Variants in LHFPL1 observed in about 807,000 individuals in gnomAD.
LHFPL1 encodes LHFPL tetraspan subfamily member 1, also known as LHFPL tetraspan subfamily member 1 protein.
LHFPL1 carries 4 observed loss-of-function variants against 12.1 expected under a neutral mutation model. The ratio of observed to expected loss-of-function variants is 0.33; its 90% CI spans 0.16 to 0.76. The LOEUF (loss-of-function observed/expected upper bound fraction) is 0.76. LHFPL1 is among the 30% of genes least tolerant of loss of function. The pLI is 0.61. For missense variants in LHFPL1, 141 were observed against 174.1 expected (o/e 0.81, Z 1.07); for synonymous variants, 52 against 61.9 (o/e 0.84, Z 0.75).
rs756731267 is a variant in LHFPL1, at chrX:112,644,127, C to G, written c.482-12526G>C. 6.3e-4 allele frequency among the ~76,000 whole-genome samples: 71 copies of G among 112,655 alleles called. 1 individual carries two copies. The highest frequency in any genetic ancestry group is 1.0e-3 in the Non-Finnish European group (55 of 53,323). On this transcript the variant is annotated intron_variant, in intron 3 of 3. Coordinates refer to ENST00000371968, the MANE Select transcript of LHFPL1 (RefSeq NM_178175.4). ...TAAGCCATGGATTTTCAAGGACTGC[C>G]TGCCAGGGCATTCTAGCTGATGCTG... is the stretch of plus-strand genomic sequence containing the variant.
chrX:112,660,421 C>A (rs770639991), intron 3 of LHFPL1, among the ~76,000 whole-genome samples: 4 of 111,747 alleles, frequency 3.6e-5, no homozygotes, highest in African/African-American at 1.3e-4. Context: ...GGTCCCCGGG[C>A]AAAACTGCAT....
chrX:112,666,799 C>T (rs1309963728), intron 2 of LHFPL1, among the ~76,000 whole-genome samples: 2 of 111,651 alleles, frequency 1.8e-5, no homozygotes, highest in African/African-American at 6.5e-5. Flanking sequence ...ATAACAAGCA[C>T]CCCAGGTAAT....
At chrX:112,654,052 C>A (rs1173904089) in intron 3 of LHFPL1, among the ~76,000 whole-genome samples, 3 of 111,800 alleles carry the variant, frequency 2.7e-5, no homozygotes, top group Non-Finnish European at 5.6e-5. Flanking sequence ...AGTACAGTCT[C>A]TTTGGAGAGC....
Position 112,631,569 on chromosome X carries a change from C to A in LHFPL1, c.514G>T (p.Ala172Ser). 8.3e-7 allele frequency: 1 copy of A among 1,208,893 alleles called. No individual in the cohort carries two copies. The highest frequency in any genetic ancestry group is 1.1e-6 in the Non-Finnish European group (1 of 893,547). ...TCRLGWAYYCAGGGAAAAMLI... is the reference protein window; with the variant it reads ...TCRLGWAYYCSGGGAAAAMLI... ...ATGGCTGCAGCTGCTCCACCTCCAG[C>A]ACAGTAATAGGCCCAGCCAAGCCGA... Residue 172 changes from alanine (A) to serine (S), a missense_variant, in exon 4 of 4, where the codon GCT (alanine) becomes TCT (serine). Ala to Ser is a moderately conservative substitution (Grantham distance 99). Transcript: ENST00000371968.
chrX:112,671,843 C>G lies in LHFPL1; in HGVS notation c.-14-439G>C, dbSNP rs148669495. Among the ~76,000 whole-genome samples the G allele has an allele frequency of 9.0e-3, 1,000 of 111,485 alleles. 11 individuals are homozygous for G. The highest frequency in any genetic ancestry group is 0.031 in the African/African-American group (959 of 30,588). ...CTGGTAGCTTGGAAGGAGGCAATAT[C>G]TGAAGAGGATCAGGAGCAAAGTTGT... On this transcript the variant is annotated intron_variant, in intron 1 of 3. Transcript: ENST00000371968.
chrX:112,673,432 G>A (rs1046752447), intron 1 of LHFPL1, among the ~76,000 whole-genome samples: 3 of 111,554 alleles, frequency 2.7e-5, no homozygotes, highest in Middle Eastern at 4.7e-3. Flanking sequence ...ATGGTTGGCC[G>A]CAATGAGGTA....
At chrX:112,641,020 C>A (rs1413130904) in intron 3 of LHFPL1, among the ~76,000 whole-genome samples, 1 of 111,648 alleles carries the variant, frequency 9.0e-6, no homozygotes, top group Non-Finnish European at 1.9e-5. Context: ...TGCTAGAAAG[C>A]CAGACCCAGT....
intron 3 of LHFPL1, among the ~76,000 whole-genome samples, chrX:112,640,384 A>G (rs1353683764): frequency 9.0e-6 from 1 of 111,450 alleles, no homozygotes; most frequent in African/African-American, 3.3e-5. Context: ...AACACATGCA[A>G]AGTTGCAAAG....
chrX:112,667,261 G>A (rs1931362157), intron 2 of LHFPL1, among the ~76,000 whole-genome samples: 1 of 111,884 alleles, frequency 8.9e-6, no homozygotes, highest in African/African-American at 3.3e-5. Flanking sequence ...GTTGAATGCT[G>A]TTCTCTTAAC....
At chrX:112,636,795 C>T (rs937141176) in intron 3 of LHFPL1, among the ~76,000 whole-genome samples, 6 of 112,192 alleles carry the variant, frequency 5.3e-5, no homozygotes, top group Admixed American at 2.8e-4. Context: ...AGACCAGATG[C>T]GTCCTTAAAG....
chrX:112,633,211 G>C (rs1327732310), intron 3 of LHFPL1, among the ~76,000 whole-genome samples: 1 of 111,905 alleles, frequency 8.9e-6, no homozygotes, highest in East Asian at 2.8e-4. Context: ...ATCCACTGTG[G>C]GTACCATTTC....
At chrX:112,645,772 C>T (rs1930667645) in intron 3 of LHFPL1, among the ~76,000 whole-genome samples, 2 of 111,939 alleles carry the variant, frequency 1.8e-5, no homozygotes, top group Admixed American at 1.9e-4. Context: ...AATTAACAAG[C>T]AGCAAAGCAT....
chrX:112,631,735 A>G, intron 3 of LHFPL1, 134 bp from the exon 4 acceptor site: 3 of 421,172 alleles, frequency 7.1e-6, no homozygotes, highest in Non-Finnish European at 1.2e-5. Flanking sequence ...TAGGGTGAGA[A>G]TAGGAAACAG....
At chrX:112,644,397 A>G (rs1178633468) in intron 3 of LHFPL1, among the ~76,000 whole-genome samples, 1 of 111,585 alleles carries the variant, frequency 9.0e-6, no homozygotes, top group Admixed American at 9.5e-5. Flanking sequence ...ATGTTTTTAT[A>G]TACCTATAGT....
intron 2 of LHFPL1, among the ~76,000 whole-genome samples, chrX:112,664,131 G>A (rs1455046967): frequency 8.9e-6 from 1 of 111,973 alleles, no homozygotes; most frequent in Non-Finnish European, 1.9e-5. Context: ...AATGTAAATG[G>A]TATGTAAATA....
chrX:112,663,887 T>TTA (rs201068439), intron 2 of LHFPL1, among the ~76,000 whole-genome samples: 2,327 of 111,555 alleles, frequency 0.021, 34 homozygotes, highest in Non-Finnish European at 0.032. Context: ...CTGTGTGAGT[T>TTA]TACGCAAGTT....
chrX:112,658,137 A>G, intron 3 of LHFPL1, among the ~76,000 whole-genome samples: 1 of 111,369 alleles, frequency 9.0e-6, no homozygotes, highest in Non-Finnish European at 1.9e-5. Flanking sequence ...AAAAATAAGC[A>G]AAGGATGGCT....
chrX:112,668,181 T>C (rs1270068449), intron 2 of LHFPL1, among the ~76,000 whole-genome samples: 6 of 112,089 alleles, frequency 5.4e-5, no homozygotes, highest in Admixed American at 9.4e-5. Flanking sequence ...TCTTTATCCA[T>C]GGGGCCCAAA....
chrX:112,647,899 C>T (rs1302507538), intron 3 of LHFPL1, among the ~76,000 whole-genome samples: 1 of 111,744 alleles, frequency 8.9e-6, no homozygotes. Context: ...GCATTATTCA[C>T]AATAGCAAAG....
Sources: allele counts gnomAD v4.1 joint callset (sites outside exome capture counted in the v4.1 genomes callset), GRCh38; gene constraint gnomAD v4.1.1; transcripts MANE v1.5; gene names NCBI Gene and HGNC (gene_info 2026-07-23, HGNC 2026-07-21).